BBX: variants seen among roughly 807,000 people sequenced by gnomAD.
BBX encodes HMG box transcription factor BBX.
A neutral mutation model predicts 100.2 loss-of-function variants in BBX; 30 were observed. The ratio of observed to expected loss-of-function variants is 0.30; its 90% CI spans 0.22 to 0.41. The LOEUF (loss-of-function observed/expected upper bound fraction) is 0.41, where lower values mean the gene tolerates loss of function less well. BBX is among the 10% of genes least tolerant of loss of function. BBX has a pLI of 1.00. For missense variants in BBX, 1,023 were observed against 1,129.8 expected (o/e 0.91, Z 1.35); for synonymous variants, 376 against 388.1 (o/e 0.97, Z 0.37).
At chr3:107,567,882 A>G (rs961926071) in intron 2 of BBX, among the ~76,000 whole-genome samples, 15 of 152,066 alleles carry the variant, frequency 9.9e-5, no homozygotes, top group African/African-American at 3.4e-4. Context: ...CCTTTATATT[A>G]TTAACATGCG....
intron 13 of BBX, among the ~76,000 whole-genome samples, chr3:107,789,376 C>T (rs745656115): frequency 2.6e-5 from 4 of 152,142 alleles, no homozygotes; most frequent in Non-Finnish European, 4.4e-5. Flanking sequence ...AAGTGCTATC[C>T]TTGTTGTGAA....
intron 10 of BBX, among the ~76,000 whole-genome samples, chr3:107,763,663 A>G (rs1417843194): frequency 6.6e-6 from 1 of 152,116 alleles, no homozygotes; most frequent in Non-Finnish European, 1.5e-5. Context: ...CAGTATTTCT[A>G]TTGAATTGTT....
At chr3:107,667,437 A>G (rs2058807780) in intron 3 of BBX, among the ~76,000 whole-genome samples, 1 of 152,038 alleles carries the variant, frequency 6.6e-6, no homozygotes, top group Non-Finnish European at 1.5e-5. Context: ...TCTGAAAGCC[A>G]TATATTCTCT....
chr3:107,566,192 A>AG (rs1343937998), intron 2 of BBX, among the ~76,000 whole-genome samples: 1 of 149,626 alleles, frequency 6.7e-6, no homozygotes, highest in African/African-American at 2.5e-5. Context: ...AAAAAAAAAA[A>AG]AAAAAAAAAA....
intron 3 of BBX, among the ~76,000 whole-genome samples, chr3:107,710,028 G>A (rs2061619968): frequency 6.6e-6 from 1 of 152,234 alleles, no homozygotes; most frequent in African/African-American, 2.4e-5. Context: ...TGCCTGGGGG[G>A]CAAGCCCCTG....
chr3:107,702,232 A>G (rs1257081892), intron 3 of BBX, among the ~76,000 whole-genome samples: 1 of 152,248 alleles, frequency 6.6e-6, no homozygotes, highest in African/African-American at 2.4e-5. Context: ...AGCTGAAGGT[A>G]TAATAGTACG....
intron 3 of BBX, among the ~76,000 whole-genome samples, chr3:107,689,465 T>C (rs2060024798): frequency 1.3e-5 from 2 of 152,216 alleles, no homozygotes; most frequent in South Asian, 4.1e-4. Flanking sequence ...TGGAGATGTG[T>C]GTGCTCTCCA....
At chr3:107,713,998 C>CA (rs1307311444) in intron 4 of BBX, among the ~76,000 whole-genome samples, 6 of 70,446 alleles carry the variant, frequency 8.5e-5, no homozygotes, top group African/African-American at 3.0e-4. Context: ...TTTTTTGAGA[C>CA]AGAGTCTTGC....
chr3:107,732,398 A>G (rs2063370358), intron 6 of BBX, among the ~76,000 whole-genome samples: 1 of 152,168 alleles, frequency 6.6e-6, no homozygotes, highest in African/African-American at 2.4e-5. Context: ...AAGATTTAAA[A>G]TGTCAAAAAC....
intron 2 of BBX, among the ~76,000 whole-genome samples, chr3:107,587,939 A>T (rs145828316): frequency 6.6e-6 from 1 of 152,344 alleles, no homozygotes; most frequent in East Asian, 1.9e-4. Context: ...CCCTACCTTT[A>T]GTAATTCACA....
chr3:107,715,344 G>A (rs558448953), intron 4 of BBX, among the ~76,000 whole-genome samples: 88 of 151,980 alleles, frequency 5.8e-4, no homozygotes, highest in African/African-American at 2.1e-3. Context: ...GAACCTCCAG[G>A]GATTCCAATG....
intron 2 of BBX, among the ~76,000 whole-genome samples, chr3:107,592,889 T>C (rs559629901): frequency 1.3e-5 from 2 of 152,354 alleles, no homozygotes; most frequent in South Asian, 2.1e-4. Context: ...CAAGGTCAAA[T>C]GCTCGTTTAG....
At chr3:107,663,099 A>G (rs548111281) in intron 3 of BBX, among the ~76,000 whole-genome samples, 73 of 152,188 alleles carry the variant, frequency 4.8e-4, no homozygotes, top group Non-Finnish European at 7.8e-4. Flanking sequence ...TTTCACAGTA[A>G]TAACAGGTAT....
intron 10 of BBX, among the ~76,000 whole-genome samples, chr3:107,763,104 A>G (rs1357966785): frequency 1.3e-5 from 2 of 152,194 alleles, no homozygotes; most frequent in Non-Finnish European, 2.9e-5. Flanking sequence ...TGTATGTGCA[A>G]GTATTTCAAA....
intron 2 of BBX, among the ~76,000 whole-genome samples, chr3:107,564,279 T>C (rs2050715216): frequency 6.6e-6 from 1 of 152,220 alleles, no homozygotes; most frequent in African/African-American, 2.4e-5. Context: ...ATATAGTCTG[T>C]ATATTATTTG....
chr3:107,619,813 G>A (rs1434228112), intron 2 of BBX, among the ~76,000 whole-genome samples: 1 of 152,050 alleles, frequency 6.6e-6, no homozygotes, highest in Non-Finnish European at 1.5e-5. Flanking sequence ...TCATTTGAAT[G>A]TTATTCCCAT....
At chr3:107,578,594 GTTTT>G (rs1052466672) in intron 2 of BBX, among the ~76,000 whole-genome samples, 1 of 152,078 alleles carries the variant, frequency 6.6e-6, no homozygotes, top group Non-Finnish European at 1.5e-5. Context: ...AGAAACATGG[GTTTT>G]TTTATGGCTT....
chr3:107,537,508 C>G (rs2048581356), intron 2 of BBX, among the ~76,000 whole-genome samples: 1 of 152,166 alleles, frequency 6.6e-6, no homozygotes, highest in Non-Finnish European at 1.5e-5. Flanking sequence ...AATGTGTTTT[C>G]CTATCTTGAG....
chr3:107,588,984 C>T (rs2053075807), intron 2 of BBX, among the ~76,000 whole-genome samples: 1 of 152,070 alleles, frequency 6.6e-6, no homozygotes, highest in Non-Finnish European at 1.5e-5. Context: ...ATGATGTCTC[C>T]AAAGACCATC....
Sources: allele counts gnomAD v4.1 joint callset (sites outside exome capture counted in the v4.1 genomes callset), GRCh38; gene constraint gnomAD v4.1.1; transcripts MANE v1.5; gene names NCBI Gene and HGNC (gene_info 2026-07-23, HGNC 2026-07-21).